The following GUCY2C variants were observed in gnomAD, a reference collection of about 807,000 sequenced individuals.
The protein encoded by GUCY2C is guanylate cyclase 2C.
In GUCY2C, 118 loss-of-function variants were observed where a neutral mutation model predicts 131.1. The observed-to-expected ratio is 0.90, with a 90% confidence interval of 0.78 to 1.05. The LOEUF (loss-of-function observed/expected upper bound fraction) is 1.05. Among genes scored for constraint, GUCY2C ranks in the 50% least tolerant of loss-of-function variants. The pLI is 0.00. For synonymous variants in GUCY2C, 452 were observed against 457.8 expected, an observed-to-expected ratio of 0.99 and a Z score of 0.16; for missense variants, 1,161 against 1,304.4, an observed-to-expected ratio of 0.89 and a Z score of 1.69.
rs1030500856 is a variant in GUCY2C, at chr12:14,696,091, A to G, written c.217+141T>C. ...TTCAAATTCTTCTCTCTAAGGAGCT[A>G]CTGTCATGAAATAGAAAGGGGTTTA... On this transcript the variant is annotated intron_variant, in intron 1 of 26. Transcript: ENST00000261170. 4.5e-6 allele frequency: 3 copies of G among 671,654 alleles called. No individual in the cohort carries two copies. In the East Asian group the frequency reaches 8.1e-5, roughly 18 times the overall value. The allele number at this position is 671,654 out of a possible 1,614,324, so 41.6% of individuals were successfully genotyped here. A position where few individuals can be genotyped will look rare whatever the true frequency, so the allele number is the denominator to read the frequency against.
At chr12:14,650,832 AAGAG>A (rs1401220313) in intron 15 of GUCY2C, among the ~76,000 whole-genome samples, 1 of 152,228 alleles carries the variant, frequency 6.6e-6, no homozygotes, top group Non-Finnish European at 1.5e-5. Flanking sequence ...TAACTTTTAA[AAGAG>A]ATAGTAACAT....
At chr12:14,662,175 G>A (rs1261567936) in intron 10 of GUCY2C, among the ~76,000 whole-genome samples, 1 of 152,096 alleles carries the variant, frequency 6.6e-6, no homozygotes, top group African/African-American at 2.4e-5. Flanking sequence ...GAAGTGATAG[G>A]AGTATGGTGA....
intron 19 of GUCY2C, among the ~76,000 whole-genome samples, chr12:14,638,969 C>T (rs1164009805): frequency 6.6e-6 from 1 of 152,062 alleles, no homozygotes; most frequent in Non-Finnish European, 1.5e-5. Context: ...CACATATACC[C>T]CACAAATATG....
At chr12:14,628,269 T>A (rs1947064355) in intron 20 of GUCY2C, among the ~76,000 whole-genome samples, 1 of 152,136 alleles carries the variant, frequency 6.6e-6, no homozygotes, top group East Asian at 1.9e-4. Flanking sequence ...GACTTTAAGA[T>A]CCTAAGAACA....
At chr12:14,690,584 C>G (rs1053557583) in intron 1 of GUCY2C, among the ~76,000 whole-genome samples, 1 of 151,902 alleles carries the variant, frequency 6.6e-6, no homozygotes, top group African/African-American at 2.4e-5. Context: ...CACTGTTGCT[C>G]TGGCTGGAGT....
At position 14,696,593 on chromosome 12, in the gene GUCY2C, A is replaced by G. The variant is rs1592156377; in HGVS notation, c.-145T>C. 2 of 636,350 alleles carry G rather than the reference A, an allele frequency of 3.1e-6. No individual in the cohort carries two copies. The highest frequency in any genetic ancestry group is 1.9e-5 in the South Asian group (1 of 53,986). The allele number at this position is 636,350 out of a possible 1,614,324, so 39.4% of individuals were successfully genotyped here. On this transcript the variant is annotated 5_prime_UTR_variant, in exon 1 of 27. Transcript: ENST00000261170. ...CCACGCTTCTCTCTGGTCATGCCCA[A>G]CTGGTCACATGGGCCGTGGAACACA...
intron 12 of GUCY2C, among the ~76,000 whole-genome samples, 157 bp from the exon 13 acceptor site, chr12:14,653,171 C>T (rs557248544): frequency 1.3e-5 from 2 of 152,312 alleles, no homozygotes; most frequent in African/African-American, 4.8e-5. Flanking sequence ...AATTGACTTG[C>T]TCCCTCTCAC....
At chr12:14,662,433 TG>T (rs1017078603) in intron 10 of GUCY2C, among the ~76,000 whole-genome samples, 2 of 152,022 alleles carry the variant, frequency 1.3e-5, no homozygotes, top group South Asian at 4.2e-4. Context: ...CCCAGCACTT[TG>T]GGGGGGCTGA....
At chr12:14,615,883 A>G (rs1439310162) in intron 25 of GUCY2C, among the ~76,000 whole-genome samples, 1 of 152,144 alleles carries the variant, frequency 6.6e-6, no homozygotes, top group Non-Finnish European at 1.5e-5. Context: ...GGAGACAGGT[A>G]ACTTACAGTT....
chr12:14,624,545 G>C (rs891672585), intron 21 of GUCY2C, among the ~76,000 whole-genome samples: 5 of 152,172 alleles, frequency 3.3e-5, no homozygotes, highest in African/African-American at 9.7e-5. Context: ...AAATGTCTAA[G>C]TGATATCTGG....
chr12:14,659,041 C>A (rs1218585151), intron 11 of GUCY2C, among the ~76,000 whole-genome samples: 1 of 151,330 alleles, frequency 6.6e-6, no homozygotes, highest in Non-Finnish European at 1.5e-5. Flanking sequence ...TTACCAACAT[C>A]ATTTCTTTCT....
At position 14,656,767 on chromosome 12, in the gene GUCY2C, A is replaced by C. The variant is rs551462096; in HGVS notation, c.1365-150T>G. 1.4e-4 allele frequency: 68 copies of C among 485,540 alleles called. No individual in the cohort carries two copies. The South Asian group carries it at 2.7e-3, about 19-fold the overall frequency. The allele number at this position is 485,540 out of a possible 1,614,324, so 30.1% of individuals were successfully genotyped here. ...AATGACAGAACACCATGTCCTCCAA[A>C]CTGAAAAGCGCTTACTGCCAGTGGA... is the stretch of plus-strand genomic sequence containing the variant. On this transcript the variant is annotated intron_variant, in intron 11 of 26. Transcript: ENST00000261170.
At chr12:14,657,820 G>GT (rs1947792469) in intron 11 of GUCY2C, among the ~76,000 whole-genome samples, 1 of 152,138 alleles carries the variant, frequency 6.6e-6, no homozygotes, top group Non-Finnish European at 1.5e-5. Flanking sequence ...GGGACTGCTG[G>GT]TATAGATGAA....
At chr12:14,645,117 T>A in intron 16 of GUCY2C, 112 bp downstream of exon 16, 1 of 643,138 alleles carries the variant, frequency 1.6e-6, no homozygotes, top group South Asian at 2.0e-5. Flanking sequence ...ATGACATAGC[T>A]ATTATTATCA....
At chr12:14,621,441 C>A (rs1946895185) in intron 22 of GUCY2C, among the ~76,000 whole-genome samples, 1 of 152,066 alleles carries the variant, frequency 6.6e-6, no homozygotes, top group South Asian at 2.1e-4. Context: ...GGAATTTAGC[C>A]ATTTAAAAGT....
intron 17 of GUCY2C, among the ~76,000 whole-genome samples, chr12:14,641,709 C>A (rs893225674): frequency 5.3e-5 from 8 of 152,238 alleles, no homozygotes; most frequent in African/African-American, 1.9e-4. Flanking sequence ...GAGGCCAAGG[C>A]AGGTGGATCA....
intron 15 of GUCY2C, among the ~76,000 whole-genome samples, chr12:14,650,676 C>T (rs1396629786): frequency 6.6e-6 from 1 of 152,206 alleles, no homozygotes; most frequent in Non-Finnish European, 1.5e-5. Flanking sequence ...GGCTTGCTTT[C>T]CCTTCTGCAA....
Position 14,621,074 on chromosome 12 carries a change from A to G in GUCY2C, c.2744T>C (p.Leu915Pro). The G allele has an allele frequency of 6.2e-7, 1 of 1,613,978 alleles. No individual in the cohort carries two copies. Among genetic ancestry groups the G allele is most frequent in the Non-Finnish European group, 8.5e-7 (1 of 1,179,954 alleles). The change falls in exon 23 of 27, where the codon CTC becomes CCC. Residue 915 changes from leucine to proline, a missense_variant. Coordinates refer to ENST00000261170, the MANE Select transcript of GUCY2C (RefSeq NM_004963.4). ...AACTCCAATGCGAATCCATATTGGGAGGCCAGGAAGATGCTCCAGCTCAAA... is the reference window on the plus strand; with the variant it reads ...AACTCCAATGCGAATCCATATTGGGGGGCCAGGAAGATGCTCCAGCTCAAA... ...GTFELEHLPG[L>P]PIWIRIGVHS...
rs1946907129 is a variant in GUCY2C, at chr12:14,622,030, A to G, written c.2576T>C (p.Ile859Thr). ...LNDIYKSFDH[I>T]VDHHDVYKVE... The stretch of plus-strand genomic sequence containing the variant: ...CTTGTAGACATCATGATGATCAACA[A>G]TGTGGTCAAAACTCTTATAGATGTC... The change falls in exon 22 of 27, where the codon ATT (isoleucine) becomes ACT (threonine). Residue 859 changes from isoleucine to threonine, a missense_variant. By Grantham distance (89) the Ile-to-Thr change is moderately conservative. Coordinates refer to ENST00000261170, the MANE Select transcript of GUCY2C (RefSeq NM_004963.4). 5.0e-6 allele frequency: 8 copies of G among 1,605,880 alleles called. No homozygotes were observed. Among genetic ancestry groups the G allele is most frequent in the South Asian group, 1.1e-5 (1 of 89,222 alleles).
Sources: gnomAD v4.1 joint callset for allele counts (sites outside exome capture counted in the v4.1 genomes callset) on GRCh38, gnomAD v4.1.1 for gene constraint, MANE v1.5 for transcripts, NCBI Gene and HGNC (gene_info 2026-07-23, HGNC 2026-07-21) for gene names.